NEK10: variants seen among roughly 807,000 people sequenced by gnomAD.
NEK10 encodes serine/threonine-protein kinase Nek10.
In NEK10, 122 loss-of-function variants were observed where a neutral mutation model predicts 159.8. That is an observed-to-expected ratio of 0.76 (90% CI 0.66 to 0.89). The LOEUF (loss-of-function observed/expected upper bound fraction) is 0.89. Ranked by LOEUF, NEK10 falls within the 40% of genes least tolerant of loss-of-function variation. The pLI is 0.00. For synonymous variants in NEK10, 466 were observed against 457.1 expected (o/e 1.02, Z -0.25); for missense variants, 1,342 against 1,323.1 (o/e 1.01, Z -0.22).
At chr3:27,321,130 C>T (rs962033441) in intron 6 of NEK10, among the ~76,000 whole-genome samples, 1 of 150,258 alleles carries the variant, frequency 6.7e-6, no homozygotes, top group African/African-American at 2.5e-5. Flanking sequence ...TAGTAGCTTA[C>T]GAGGGCAGGG....
At chr3:27,254,548 A>G (rs775476962) in intron 23 of NEK10, among the ~76,000 whole-genome samples, 1 of 152,244 alleles carries the variant, frequency 6.6e-6, no homozygotes, top group Non-Finnish European at 1.5e-5. Flanking sequence ...AGTTAAGGAC[A>G]TCAAAAACTA....
At chr3:27,115,765 T>C (rs1940318586) in intron 35 of NEK10, among the ~76,000 whole-genome samples, 175 bp downstream of exon 35, 1 of 152,180 alleles carries the variant, frequency 6.6e-6, no homozygotes, top group Non-Finnish European at 1.5e-5. Context: ...ACACAAAAGA[T>C]GGGCACATAT....
At chr3:27,276,409 G>C (rs905578093) in intron 22 of NEK10, among the ~76,000 whole-genome samples, 3 of 152,058 alleles carry the variant, frequency 2.0e-5, no homozygotes, top group Non-Finnish European at 4.4e-5. Context: ...AGCATTCCAG[G>C]CAGAGGGATG....
At chr3:27,276,029 T>C (rs374457983) in intron 22 of NEK10, among the ~76,000 whole-genome samples, 220 of 152,234 alleles carry the variant, frequency 1.4e-3, no homozygotes, top group African/African-American at 5.0e-3. Flanking sequence ...CTAGACAATC[T>C]TGGCTATCAG....
chr3:27,279,930 G>A (rs1163171793), intron 22 of NEK10, among the ~76,000 whole-genome samples: 2 of 152,086 alleles, frequency 1.3e-5, no homozygotes, highest in South Asian at 2.1e-4. Flanking sequence ...AGCACTTTGG[G>A]AGGCCGAGGC....
At chr3:27,255,263 T>TG (rs1464265508) in intron 23 of NEK10, 1 of 436,090 alleles carries the variant, frequency 2.3e-6, no homozygotes, top group Non-Finnish European at 4.6e-6. Context: ...ACAAGGTACA[T>TG]GTTAGCCTGC....
intron 30 of NEK10, among the ~76,000 whole-genome samples, chr3:27,147,520 C>A (rs1398943485): frequency 2.0e-5 from 3 of 152,238 alleles, no homozygotes; most frequent in African/African-American, 7.2e-5. Flanking sequence ...AGGCAACAAA[C>A]TTCCTTTCAT....
At chr3:27,211,151 C>T (rs1184004014) in intron 23 of NEK10, among the ~76,000 whole-genome samples, 1 of 152,150 alleles carries the variant, frequency 6.6e-6, no homozygotes, top group African/African-American at 2.4e-5. Context: ...CATTTCTCCA[C>T]TAGGATCAGT....
intron 6 of NEK10, among the ~76,000 whole-genome samples, chr3:27,314,867 C>T (rs2045030089): frequency 6.6e-6 from 1 of 152,206 alleles, no homozygotes; most frequent in Non-Finnish European, 1.5e-5. Context: ...CTCAATCACA[C>T]TCCGTTTCAA....
At chr3:27,256,906 T>C (rs1428282593) in intron 22 of NEK10, among the ~76,000 whole-genome samples, 2 of 146,356 alleles carry the variant, frequency 1.4e-5, no homozygotes, top group African/African-American at 2.6e-5. Context: ...CTTCTCTTTT[T>C]TCTCTCTTTT....
At chr3:27,117,177 A>G (rs944038694) in intron 33 of NEK10, among the ~76,000 whole-genome samples, 1 of 152,184 alleles carries the variant, frequency 6.6e-6, no homozygotes, top group African/African-American at 2.4e-5. Context: ...TTATAGCTGC[A>G]TGGTATTCCA....
intron 12 of NEK10, 22 bp downstream of exon 12, chr3:27,304,725 G>A (rs754909895): frequency 6.5e-6 from 10 of 1,533,084 alleles, no homozygotes; most frequent in Non-Finnish European, 8.1e-6. Context: ...GGCAAAGTAG[G>A]CCAAAGCCCA....
chr3:27,250,404 T>A (rs571176590), intron 23 of NEK10, among the ~76,000 whole-genome samples: 1 of 152,248 alleles, frequency 6.6e-6, no homozygotes, highest in East Asian at 1.9e-4. Flanking sequence ...GTCAGGATGG[T>A]CTCGATCTCC....
chr3:27,266,528 A>C (rs2040909993), intron 22 of NEK10, among the ~76,000 whole-genome samples: 2 of 152,104 alleles, frequency 1.3e-5, no homozygotes, highest in African/African-American at 4.8e-5. Context: ...AAATTAACAC[A>C]CTCAAAGAGA....
Position 27,295,664 on chromosome 3 carries a change from T to A in NEK10, c.1257A>T (p.Lys419Asn). 2 of 1,567,464 alleles carry A rather than the reference T, an allele frequency of 1.3e-6. No homozygotes were observed. The highest frequency in any genetic ancestry group is 8.7e-7 in the Non-Finnish European group (1 of 1,153,640). Residue 419 changes from lysine to asparagine, a missense_variant, in exon 15 of 36, where the codon AAA becomes AAT. Coordinates refer to ENST00000691995, the MANE Select transcript of NEK10 (RefSeq NM_001394966.1). ...VQENGVYTIA[K>N]LILPNKQKNA... is the part of the protein sequence containing the mutation. ...TCTTTTGCTTATTTGGTAAAATTAATTTTGCTATTGTATATACACCATTTT... is the reference window on the plus strand; with the variant it reads ...TCTTTTGCTTATTTGGTAAAATTAAATTTGCTATTGTATATACACCATTTT...
At chr3:27,264,892 CTAAATAAA>C (rs147191294) in intron 22 of NEK10, among the ~76,000 whole-genome samples, 21,982 of 144,486 alleles carry the variant, frequency 0.15, 4,303 homozygotes, top group African/African-American at 0.46. Flanking sequence ...GAAAATCAGT[CTAAATAAA>C]TAAATAAATA....
At chr3:27,339,369 C>T (rs1053515033) in intron 5 of NEK10, among the ~76,000 whole-genome samples, 6 of 152,102 alleles carry the variant, frequency 3.9e-5, no homozygotes, top group African/African-American at 1.2e-4. Flanking sequence ...ACAAACAACC[C>T]TATCAAAAAA....
intron 32 of NEK10, among the ~76,000 whole-genome samples, chr3:27,125,545 A>AT (rs1004569656): frequency 6.6e-6 from 1 of 152,026 alleles, no homozygotes; most frequent in African/African-American, 2.4e-5. Flanking sequence ...ATATTGCCTA[A>AT]TTTTTTTATC....
chr3:27,110,594 T>C lies in NEK10; in HGVS notation c.*678A>G, dbSNP rs1405146587. 6.6e-6 allele frequency: 1 copy of C among 152,158 alleles called. No homozygotes were observed. Among genetic ancestry groups the C allele is most frequent in the Admixed American group, 6.6e-5 (1 of 15,256 alleles). 9.4% of individuals were successfully genotyped at this position (152,158 alleles called of 1,614,324 possible). A position where few individuals can be genotyped will look rare whatever the true frequency, so the allele number is the denominator to read the frequency against. On this transcript the variant is annotated 3_prime_UTR_variant, in exon 36 of 36. Transcript: ENST00000691995. The stretch of plus-strand genomic sequence containing the variant: ...CACACTGTACAGCAATATATTCTAT[T>C]AGTCTAAGTTAAATCTGACAGTTTG...
Sources: allele counts gnomAD v4.1 joint callset (sites outside exome capture counted in the v4.1 genomes callset), GRCh38; gene constraint gnomAD v4.1.1; transcripts MANE v1.5; gene names NCBI Gene and HGNC (gene_info 2026-07-23, HGNC 2026-07-21).